ENTPD1: variants seen among roughly 807,000 people sequenced by gnomAD.
The protein encoded by ENTPD1 is ectonucleoside triphosphate diphosphohydrolase 1.
In ENTPD1, 33 loss-of-function variants were observed where a neutral mutation model predicts 57.0. That is an observed-to-expected ratio of 0.58 (90% CI 0.44 to 0.77). The LOEUF (loss-of-function observed/expected upper bound fraction) is 0.77, where lower values mean the gene tolerates loss of function less well. ENTPD1 is among the 30% of genes least tolerant of loss of function. The probability of loss-of-function intolerance (pLI) is 0.00; values close to 1 mark genes in which losing one functional copy is unlikely to be tolerated. For missense variants in ENTPD1, 501 were observed against 603.4 expected (o/e 0.83, Z 1.78); for synonymous variants, 202 against 218.8 (o/e 0.92, Z 0.68).
Position 95,869,268 on chromosome 10 carries a change from G to C in ENTPD1, c.*2885G>C. On this transcript the variant is annotated 3_prime_UTR_variant, in exon 10 of 10. Coordinates refer to ENST00000371205, the MANE Select transcript of ENTPD1 (RefSeq NM_001776.6). ...TTTTTTTTTTTTTTTTTTTTTTTTT[G>C]AGAGAGAGTCTCACTCCATTGCCCA... 1.6e-6 allele frequency: 1 copy of C among 612,824 alleles called. No homozygotes were observed. The allele number at this position is 612,824 out of a possible 1,614,324, so 38.0% of individuals were successfully genotyped here.
chr10:95,864,178 A>G (rs866159542), intron 8 of ENTPD1, among the ~76,000 whole-genome samples: 1 of 152,236 alleles, frequency 6.6e-6, no homozygotes, highest in Non-Finnish European at 1.5e-5. Context: ...AATGCTGCCT[A>G]AACTGTGTCC....
At chr10:95,847,419 A>T (rs1424200643) in intron 6 of ENTPD1, 27 bp from the exon 7 acceptor site, 1 of 1,614,102 alleles carries the variant, frequency 6.2e-7, no homozygotes, top group Admixed American at 1.7e-5. Flanking sequence ...TTCACACATG[A>T]TGCTTTCAAG....
intron 1 of ENTPD1, among the ~76,000 whole-genome samples, chr10:95,738,619 T>G (rs1200489508): frequency 6.6e-6 from 1 of 152,148 alleles, no homozygotes; most frequent in African/African-American, 2.4e-5. Context: ...CTATTCCTTC[T>G]CACCTCAAAC....
intron 1 of ENTPD1, among the ~76,000 whole-genome samples, chr10:95,746,166 A>AGTACAAAAGGCAATGTTTTGTTTAAT (rs2098005857): frequency 6.6e-6 from 1 of 152,208 alleles, no homozygotes; most frequent in Non-Finnish European, 1.5e-5. Flanking sequence ...AAGAGACACA[A>AGTACAAAAGGCAATGTTTTGTTTAAT]GTACAAAAGG....
rs935575007 is a variant in ENTPD1 at position 95,869,374 on chromosome 10, C to T, written c.*2991C>T. On this transcript the variant is annotated 3_prime_UTR_variant, in exon 10 of 10. Transcript: ENST00000371205. ...AAGCAATTCTCCTGCCTCAGCCTCC[C>T]GAGTAGCTGGGATTGCAGGTGCCCA... is the stretch of plus-strand genomic sequence containing the variant. 8.2e-6 allele frequency: 6 copies of T among 727,770 alleles called. No individual in the cohort carries two copies. The highest frequency in any genetic ancestry group is 1.0e-5 in the Non-Finnish European group (6 of 595,508). The allele number at this position is 727,770 out of a possible 1,614,324, so 45.1% of individuals were successfully genotyped here.
At chr10:95,739,104 G>C (rs1176416553) in intron 1 of ENTPD1, among the ~76,000 whole-genome samples, 1 of 152,150 alleles carries the variant, frequency 6.6e-6, no homozygotes, top group Admixed American at 6.5e-5. Context: ...ATACTTTATT[G>C]TTAAAAATGC....
rs1397580072 is a variant in ENTPD1, at chr10:95,860,672, T to C, written c.1188+90T>C. 3 of 1,124,118 alleles carry C rather than the reference T, an allele frequency of 2.7e-6. No homozygotes were observed. The East Asian group carries it at 7.7e-5, about 29-fold the overall frequency. The allele number at this position is 1,124,118 out of a possible 1,614,324, so 69.6% of individuals were successfully genotyped here. The stretch of plus-strand genomic sequence containing the variant: ...TGTGAGTCTGCTCTGAAACTCCTGC[T>C]GGTTTGACCAAGATCCAGCAAATGT... On this transcript the variant is annotated intron_variant, in intron 8 of 9. Coordinates refer to ENST00000371205, the MANE Select transcript of ENTPD1 (RefSeq NM_001776.6).
chr10:95,856,438 C>T (rs970233493), intron 7 of ENTPD1, among the ~76,000 whole-genome samples: 2 of 152,070 alleles, frequency 1.3e-5, no homozygotes, highest in Non-Finnish European at 2.9e-5. Context: ...AGTATAGAGA[C>T]TCCTTAAGGA....
Position 95,871,107 on chromosome 10 carries a change from T to C in ENTPD1, c.*4724T>C, listed in dbSNP as rs925893528. ...TTCTGTCACAGGCTATTGTAAGTCA[T>C]ATGAGCAAGCTCAATAAAATATAAA... On this transcript the variant is annotated 3_prime_UTR_variant, in exon 10 of 10. Transcript: ENST00000371205. 4.1e-6 allele frequency: 4 copies of C among 985,294 alleles called. No homozygotes were observed. The highest frequency in any genetic ancestry group is 3.6e-6 in the Non-Finnish European group (3 of 829,934). 61.0% of individuals were successfully genotyped at this position (985,294 alleles called of 1,614,324 possible).
chr10:95,737,063 G>A lies in ENTPD1; in HGVS notation c.37+25070G>A, dbSNP rs1355000330. On this transcript the variant is annotated intron_variant, in intron 1 of 9. Transcript: ENST00000453258. The stretch of plus-strand genomic sequence containing the variant: ...TACAATATTGAGATAAAGTAGTGGA[G>A]CTAGAAGTATGAAGAAGGATTTATG... Among the ~76,000 whole-genome samples, 3 of 152,196 alleles carry A rather than the reference G, an allele frequency of 2.0e-5. No homozygotes were observed. In the East Asian group the frequency reaches 5.8e-4, roughly 29 times the overall value.
At chr10:95,805,412 A>G (rs918952154) in intron 1 of ENTPD1, among the ~76,000 whole-genome samples, 1 of 152,166 alleles carries the variant, frequency 6.6e-6, no homozygotes, top group Non-Finnish European at 1.5e-5. Flanking sequence ...TCTCCTGAAT[A>G]TAGCACACTG....
intron 4 of ENTPD1, among the ~76,000 whole-genome samples, chr10:95,843,774 T>G (rs1019894781): frequency 5.9e-5 from 9 of 152,114 alleles, no homozygotes; most frequent in Non-Finnish European, 1.3e-4. Context: ...GTGGACGCCA[T>G]TTAGATGAGA....
intron 1 of ENTPD1, among the ~76,000 whole-genome samples, chr10:95,714,486 TAATA>T (rs1394516304): frequency 6.6e-6 from 1 of 152,212 alleles, no homozygotes; most frequent in Non-Finnish European, 1.5e-5. Context: ...CATAGTGCCT[TAATA>T]AATGTATTAT....
intron 1 of ENTPD1, among the ~76,000 whole-genome samples, chr10:95,816,587 A>G (rs1013904958): frequency 6.6e-6 from 1 of 152,152 alleles, no homozygotes; most frequent in Middle Eastern, 3.2e-3. Flanking sequence ...ACAGGGGGAA[A>G]GGCCATGTGA....
intron 1 of ENTPD1, among the ~76,000 whole-genome samples, chr10:95,759,686 A>C (rs2098047682): frequency 6.6e-6 from 1 of 152,190 alleles, no homozygotes; most frequent in South Asian, 2.1e-4. Context: ...TGCCACACAG[A>C]TCCTTGGATA....
At position 95,868,065 on chromosome 10, in the gene ENTPD1, G is replaced by A. The variant is rs1590223550; in HGVS notation, c.*1682G>A. The A allele has an allele frequency of 1.0e-6, 1 of 984,468 alleles. No individual in the cohort carries two copies. The highest frequency in any genetic ancestry group is 1.1e-4 in the East Asian group (1 of 8,816). 61.0% of individuals were successfully genotyped at this position (984,468 alleles called of 1,614,324 possible). ...TTGAGCATTTGTGGTGTACCACGCTGTGTGCTCAAGGGTATTACATTCATC... is the reference window on the plus strand; with the variant it reads ...TTGAGCATTTGTGGTGTACCACGCTATGTGCTCAAGGGTATTACATTCATC... On this transcript the variant is annotated 3_prime_UTR_variant, in exon 10 of 10. Coordinates refer to ENST00000371205, the MANE Select transcript of ENTPD1 (RefSeq NM_001776.6).
chr10:95,838,842 T>G (rs903028813), intron 2 of ENTPD1, among the ~76,000 whole-genome samples: 1 of 152,216 alleles, frequency 6.6e-6, no homozygotes, highest in African/African-American at 2.4e-5. Flanking sequence ...CTTGCTTCTA[T>G]GTTTCTGTGT....
In ENTPD1 at chr10:95,873,539, T is replaced by TAG. The variant is rs2098482711; in HGVS notation, c.*7157_*7158dup. 1.9e-5 allele frequency: 19 copies of TAG among 985,228 alleles called. No homozygotes were observed. The highest frequency in any genetic ancestry group is 3.5e-5 in the African/African-American group (2 of 57,218). 61.0% of individuals were successfully genotyped at this position (985,228 alleles called of 1,614,324 possible). On this transcript the variant is annotated 3_prime_UTR_variant, in exon 10 of 10. Transcript: ENST00000371205. ...GTAGAGGCCCATAGGAAAGAGTAGG[T>TAG]AGGTTATGCCAGCTCACACGCATCC... is the stretch of plus-strand genomic sequence containing the variant.
chr10:95,864,785 C>G lies in ENTPD1; in HGVS notation c.1250C>G (p.Thr417Ser). ...CTGAGTGAATACTGCTTTTCTGGTA[C>G]CTACATTCTCTCCCTCCTTCTGCAA... ...KYLSEYCFSG[T>S]YILSLLLQGY... Residue 417 changes from threonine to serine, a missense_variant, in exon 9 of 10, where the codon ACC becomes AGC. By Grantham distance (58) the Thr-to-Ser change is moderately conservative. Transcript: ENST00000371205. 4 of 1,614,116 alleles carry G rather than the reference C, an allele frequency of 2.5e-6. No homozygotes were observed. The highest frequency in any genetic ancestry group is 2.5e-6 in the Non-Finnish European group (3 of 1,180,016).
Sources: allele counts gnomAD v4.1 joint callset (sites outside exome capture counted in the v4.1 genomes callset), GRCh38; gene constraint gnomAD v4.1.1; transcripts MANE v1.5; gene names NCBI Gene and HGNC (gene_info 2026-07-23, HGNC 2026-07-21).